SIDT1: variants seen among roughly 807,000 people sequenced by gnomAD.
The protein encoded by SIDT1 is SID1 transmembrane family, member 1.
A neutral mutation model predicts 107.5 loss-of-function variants in SIDT1; 101 were observed. The ratio of observed to expected loss-of-function variants is 0.94; its 90% CI spans 0.80 to 1.11. The LOEUF is 1.11. Ranked by LOEUF, SIDT1 falls within the 50% of genes least tolerant of loss-of-function variation. The pLI is 0.00. For missense variants in SIDT1, 1,076 were observed against 1,058.2 expected (o/e 1.02, Z -0.23); for synonymous variants, 395 against 398.2 (o/e 0.99, Z 0.10).
intron 1 of SIDT1, among the ~76,000 whole-genome samples, chr3:113,544,702 A>G (rs904716167): frequency 3.9e-5 from 6 of 152,200 alleles, no homozygotes; most frequent in African/African-American, 7.2e-5. Flanking sequence ...GCGTCGTATC[A>G]GGGGCACATG....
In SIDT1 at chr3:113,532,999, C is replaced by T. The variant is rs969615348; in HGVS notation, c.-23C>T. 7.5e-7 allele frequency: 1 copy of T among 1,340,312 alleles called. No homozygotes were observed. The highest frequency in any genetic ancestry group is 9.5e-7 in the Non-Finnish European group (1 of 1,049,576). 83.0% of individuals were successfully genotyped at this position (1,340,312 alleles called of 1,614,324 possible). On this transcript the variant is annotated 5_prime_UTR_variant, in exon 1 of 25. Transcript: ENST00000264852. ...CCCCTCCCCAGGGTGGCTCCGCTTT[C>T]GAGCCCGGGCGCGGTGCCCACCATG...
chr3:113,577,600 T>G (rs1198965354), intron 4 of SIDT1, among the ~76,000 whole-genome samples: 1 of 152,228 alleles, frequency 6.6e-6, no homozygotes, highest in African/African-American at 2.4e-5. Context: ...TAAGTCAGGC[T>G]GTTTTTCTGG....
At chr3:113,573,811 A>G (rs1942677039) in intron 3 of SIDT1, among the ~76,000 whole-genome samples, 1 of 152,216 alleles carries the variant, frequency 6.6e-6, no homozygotes, top group Non-Finnish European at 1.5e-5. Context: ...GTAAAACTGT[A>G]AGAAATAATA....
chr3:113,538,576 A>T (rs1938454666), intron 1 of SIDT1, among the ~76,000 whole-genome samples: 1 of 152,250 alleles, frequency 6.6e-6, no homozygotes, highest in African/African-American at 2.4e-5. Flanking sequence ...TTGATGTATT[A>T]AATTAACTAT....
intron 14 of SIDT1, among the ~76,000 whole-genome samples, chr3:113,605,272 G>A (rs9813488): frequency 0.092 from 13,932 of 152,010 alleles, 685 homozygotes; most frequent in East Asian, 0.13. Context: ...ACAGGCATGT[G>A]CCACCATGCC....
At chr3:113,546,599 C>T (rs556284320) in intron 1 of SIDT1, among the ~76,000 whole-genome samples, 1 of 152,028 alleles carries the variant, frequency 6.6e-6, no homozygotes, top group African/African-American at 2.4e-5. Flanking sequence ...GTGATGGTCC[C>T]TTCTGAGATA....
At chr3:113,565,666 G>C (rs537358494) in intron 1 of SIDT1, among the ~76,000 whole-genome samples, 198 of 152,298 alleles carry the variant, frequency 1.3e-3, no homozygotes, top group South Asian at 3.7e-3. Context: ...AAGACCCATA[G>C]TGTTACTGAT....
intron 13 of SIDT1, among the ~76,000 whole-genome samples, chr3:113,604,692 C>T (rs1945194324): frequency 6.6e-6 from 1 of 152,188 alleles, no homozygotes; most frequent in African/African-American, 2.4e-5. Context: ...TTCTTTACTT[C>T]TTTAATTCCC....
At chr3:113,572,113 T>C (rs2107431507) in intron 3 of SIDT1, among the ~76,000 whole-genome samples, 1 of 152,122 alleles carries the variant, frequency 6.6e-6, no homozygotes. Context: ...TTTTATTAGA[T>C]ATGAGGGGAA....
At chr3:113,606,895 A>G (rs1302722578) in intron 14 of SIDT1, 146 bp from the exon 15 acceptor site, 1 of 573,934 alleles carries the variant, frequency 1.7e-6, no homozygotes, top group Non-Finnish European at 3.2e-6. Context: ...GTGGCAGATA[A>G]TGGCCCATCT....
At chr3:113,546,047 C>A (rs1480333810) in intron 1 of SIDT1, among the ~76,000 whole-genome samples, 1 of 152,150 alleles carries the variant, frequency 6.6e-6, no homozygotes, top group Non-Finnish European at 1.5e-5. Flanking sequence ...GGAAAACAAA[C>A]AACTAAGAGG....
At chr3:113,614,865 A>G (rs1945994653) in intron 19 of SIDT1, among the ~76,000 whole-genome samples, 1 of 152,208 alleles carries the variant, frequency 6.6e-6, no homozygotes, top group African/African-American at 2.4e-5. Context: ...GAGGATTTGA[A>G]GACTTCTGAA....
intron 1 of SIDT1, among the ~76,000 whole-genome samples, chr3:113,552,250 T>C (rs1357938098): frequency 6.6e-6 from 1 of 152,206 alleles, no homozygotes; most frequent in Non-Finnish European, 1.5e-5. Flanking sequence ...GGAGGAAGAA[T>C]TATAGCTTTC....
intron 1 of SIDT1, among the ~76,000 whole-genome samples, chr3:113,549,237 A>T (rs1475537929): frequency 1.3e-5 from 2 of 152,186 alleles, no homozygotes; most frequent in African/African-American, 4.8e-5. Context: ...TTTTGTGTGG[A>T]CATAAGTTTT....
chr3:113,564,606 G>A, intron 1 of SIDT1, among the ~76,000 whole-genome samples: 1 of 152,154 alleles, frequency 6.6e-6, no homozygotes, highest in Admixed American at 6.5e-5. Context: ...AAGCAAAGGA[G>A]CTAAAGAAGC....
chr3:113,557,944 A>G (rs1036770911), intron 1 of SIDT1, among the ~76,000 whole-genome samples: 3 of 152,342 alleles, frequency 2.0e-5, no homozygotes, highest in African/African-American at 7.2e-5. Context: ...AAAGTTCTGT[A>G]GCTGACTGAG....
chr3:113,562,394 C>T (rs1049282238), intron 1 of SIDT1, among the ~76,000 whole-genome samples: 35 of 152,182 alleles, frequency 2.3e-4, no homozygotes, highest in African/African-American at 8.2e-4. Context: ...TGAAAATATA[C>T]ATTCATACAA....
intron 1 of SIDT1, among the ~76,000 whole-genome samples, chr3:113,562,993 G>C (rs1941568384): frequency 6.6e-6 from 1 of 152,214 alleles, no homozygotes; most frequent in African/African-American, 2.4e-5. Flanking sequence ...CCGCAAAAGG[G>C]AGGGACACCA....
intron 18 of SIDT1, among the ~76,000 whole-genome samples, chr3:113,611,569 C>G (rs942262400): frequency 1.3e-5 from 2 of 152,228 alleles, no homozygotes; most frequent in Non-Finnish European, 2.9e-5. Flanking sequence ...GATCTGCCCA[C>G]CTCGGCCTCC....
Sources: gnomAD v4.1 joint callset for allele counts (sites outside exome capture counted in the v4.1 genomes callset) on GRCh38, gnomAD v4.1.1 for gene constraint, MANE v1.5 for transcripts, NCBI Gene and HGNC (gene_info 2026-07-23, HGNC 2026-07-21) for gene names.